CALN1: variants seen among roughly 807,000 people sequenced by gnomAD.
The protein encoded by CALN1 is calneuron 1.
In CALN1, 17 loss-of-function variants were observed where a neutral mutation model predicts 30.6. The ratio of observed to expected loss-of-function variants is 0.56; its 90% CI spans 0.38 to 0.83. CALN1 has a LOEUF of 0.83. Ranked by LOEUF, CALN1 falls within the 40% of genes least tolerant of loss-of-function variation. The pLI is 0.00. For missense variants in CALN1, 291 were observed against 354.9 expected (o/e 0.82, Z 1.45); for synonymous variants, 156 against 131.4 (o/e 1.19, Z -1.28).
chr7:72,316,910 A>G (rs578021610), intron 2 of CALN1, among the ~76,000 whole-genome samples: 1 of 151,500 alleles, frequency 6.6e-6, no homozygotes, highest in East Asian at 2.0e-4. Flanking sequence ...GCACCACTGC[A>G]CTCCAGCCTG....
chr7:72,318,804 A>G (rs1026354028), intron 2 of CALN1, among the ~76,000 whole-genome samples: 74 of 128,292 alleles, frequency 5.8e-4, no homozygotes, highest in African/African-American at 2.1e-3. Flanking sequence ...CTCCCACCTC[A>G]GCCTCTGGAG....
chr7:72,229,797 G>A (rs1302910218), intron 3 of CALN1, among the ~76,000 whole-genome samples: 3 of 151,940 alleles, frequency 2.0e-5, no homozygotes, highest in African/African-American at 7.2e-5. Flanking sequence ...TGGGGAGCAA[G>A]GGGAAGGAGA....
the CALN1 span, among the ~76,000 whole-genome samples, chr7:72,496,284 T>A: frequency 3.9e-5 from 6 of 152,188 alleles, no homozygotes; most frequent in Non-Finnish European, 8.8e-5. Context: ...ACCTCCAGTA[T>A]AATGGAGAAT....
intron 1 of CALN1, among the ~76,000 whole-genome samples, chr7:72,411,509 TA>T (rs1207064177): frequency 3.3e-5 from 5 of 152,284 alleles, no homozygotes; most frequent in Non-Finnish European, 7.4e-5. Context: ...TTTTTGTCTT[TA>T]AAAAAATATG....
intron 1 of CALN1, among the ~76,000 whole-genome samples, chr7:72,432,739 T>C (rs1808016045): frequency 6.6e-6 from 1 of 152,234 alleles, no homozygotes. Flanking sequence ...AAATGGATCC[T>C]AAATGTTGGG....
At chr7:71,938,891 G>C (rs1795981215) in intron 5 of CALN1, among the ~76,000 whole-genome samples, 1 of 152,134 alleles carries the variant, frequency 6.6e-6, no homozygotes, top group African/African-American at 2.4e-5. Context: ...CATGAGGCTT[G>C]AAAGAGCAGG....
At chr7:72,029,029 A>T (rs987331326) in intron 4 of CALN1, among the ~76,000 whole-genome samples, 5 of 152,212 alleles carry the variant, frequency 3.3e-5, no homozygotes, top group African/African-American at 1.2e-4. Context: ...ATATAGCTAT[A>T]GAAATCTTTG....
chr7:72,060,174 C>A (rs1459451340), intron 4 of CALN1, among the ~76,000 whole-genome samples: 1 of 152,118 alleles, frequency 6.6e-6, no homozygotes, highest in Admixed American at 6.5e-5. Context: ...CCTGTCTTTT[C>A]ATTTCACCAT....
intron 3 of CALN1, among the ~76,000 whole-genome samples, chr7:72,161,125 A>AT (rs896950526): frequency 2.0e-5 from 3 of 152,216 alleles, no homozygotes; most frequent in Non-Finnish European, 4.4e-5. Flanking sequence ...TTCAACAGCC[A>AT]TTTTTTGACC....
chr7:72,261,076 G>A (rs963978497), intron 3 of CALN1, among the ~76,000 whole-genome samples: 2 of 152,218 alleles, frequency 1.3e-5, no homozygotes, highest in Non-Finnish European at 2.9e-5. Flanking sequence ...GAGAGGCCGA[G>A]GAGGGTAGAT....
chr7:72,212,191 T>C (rs921168576), intron 3 of CALN1, among the ~76,000 whole-genome samples: 2 of 151,480 alleles, frequency 1.3e-5, no homozygotes, highest in Non-Finnish European at 1.5e-5. Flanking sequence ...CTACTAAAAA[T>C]ACAAAAAATT....
intron 3 of CALN1, among the ~76,000 whole-genome samples, chr7:72,197,187 T>TTTA (rs1791082643): frequency 7.7e-6 from 1 of 129,484 alleles, no homozygotes; most frequent in Non-Finnish European, 1.6e-5. Flanking sequence ...GCTTTTTTTT[T>TTTA]TTTTTTTTTT....
chr7:72,166,651 G>C (rs980129028), intron 3 of CALN1, among the ~76,000 whole-genome samples: 1 of 152,226 alleles, frequency 6.6e-6, no homozygotes, highest in Non-Finnish European at 1.5e-5. Flanking sequence ...ATGGGAAACA[G>C]AGTGGAGTGG....
intron 3 of CALN1, among the ~76,000 whole-genome samples, chr7:72,113,105 C>T (rs1480735188): frequency 6.6e-6 from 1 of 152,036 alleles, no homozygotes; most frequent in Non-Finnish European, 1.5e-5. Context: ...ATGTTTTTTC[C>T]CCAAAATCTC....
At chr7:72,254,282 C>T (rs1244532010) in intron 3 of CALN1, among the ~76,000 whole-genome samples, 2 of 152,224 alleles carry the variant, frequency 1.3e-5, no homozygotes, top group Non-Finnish European at 2.9e-5. Flanking sequence ...GCCTTCTCTA[C>T]AGATGCCCTG....
chr7:71,890,428 T>TCC (rs1793173160), intron 5 of CALN1, among the ~76,000 whole-genome samples: 1 of 152,150 alleles, frequency 6.6e-6, no homozygotes, highest in Non-Finnish European at 1.5e-5. Flanking sequence ...CATCTTCCCT[T>TCC]CCCTCCTTTC....
rs567837834 is a variant in CALN1, at chr7:72,090,186, C to T, written c.388+15965G>A. ...ACCTGGTGGCGCATGCCTGTAGTCC[C>T]AGCCACTTGGGAGGCTGAGGCAGGA... On this transcript the variant is annotated intron_variant, in intron 4 of 6. Coordinates refer to ENST00000395275, the MANE Select transcript of CALN1 (RefSeq NM_031468.4). Among the ~76,000 whole-genome samples, 6 of 152,270 alleles carry T rather than the reference C, an allele frequency of 3.9e-5. No homozygotes were observed. The East Asian group carries it at 1.2e-3, about 29-fold the overall frequency.
chr7:71,974,097 T>C (rs1278454977), intron 5 of CALN1, among the ~76,000 whole-genome samples: 3 of 152,082 alleles, frequency 2.0e-5, no homozygotes, highest in Non-Finnish European at 4.4e-5. Flanking sequence ...ATGATGATCT[T>C]TATTAACTTG....
upstream of CALN1, among the ~76,000 whole-genome samples, chr7:72,449,077 T>C (rs1808606700): frequency 6.6e-6 from 1 of 152,110 alleles, no homozygotes; most frequent in Non-Finnish European, 1.5e-5. Context: ...ATCTCAGCTC[T>C]ACTAAGAGCA....
Sources: gnomAD v4.1 joint callset for allele counts (sites outside exome capture counted in the v4.1 genomes callset) on GRCh38, gnomAD v4.1.1 for gene constraint, MANE v1.5 for transcripts, NCBI Gene and HGNC (gene_info 2026-07-23, HGNC 2026-07-21) for gene names.